The following CSMD1 variants were observed in gnomAD, a reference collection of about 807,000 sequenced individuals.
CSMD1 encodes CUB and sushi domain-containing protein 1.
CSMD1 carries 213 observed loss-of-function variants against 417.5 expected under a neutral mutation model. That is an observed-to-expected ratio of 0.51 (90% CI 0.46 to 0.57). The LOEUF is 0.57. Ranked by LOEUF, CSMD1 falls within the 20% of genes least tolerant of loss-of-function variation. The pLI, the probability that CSMD1 is intolerant of heterozygous loss-of-function variation, is 0.00. For missense variants in CSMD1, 6,923 were observed against 4,529.7 expected, an observed-to-expected ratio of 1.53 and a Z score of -15.17; for synonymous variants, 2,862 against 1,736.8, an observed-to-expected ratio of 1.65 and a Z score of -16.11.
chr8:4,733,427 TA>T lies in CSMD1; in HGVS notation c.86-95870del, dbSNP rs1297046482. On this transcript the variant is annotated intron_variant, in intron 1 of 69. Transcript: ENST00000635120. The stretch of plus-strand genomic sequence containing the variant: ...TATCTTGGAAAGAAGGAAACAGACA[TA>T]GAGGGAAGGTAGGTGTCGGAGAAGG... Among the ~76,000 whole-genome samples, 3 of 152,174 alleles carry T rather than the reference TA, an allele frequency of 2.0e-5. No individual in the cohort carries two copies. The South Asian group carries it at 6.2e-4, about 32-fold the overall frequency.
chr8:4,380,982 G>C (rs981067596), intron 3 of CSMD1, among the ~76,000 whole-genome samples: 2 of 152,052 alleles, frequency 1.3e-5, no homozygotes, highest in Non-Finnish European at 1.5e-5. Flanking sequence ...TTTGGGAAAA[G>C]AAAAAGCGTA....
At chr8:3,864,766 C>T (rs1237890557) in intron 5 of CSMD1, among the ~76,000 whole-genome samples, 1 of 152,066 alleles carries the variant, frequency 6.6e-6, no homozygotes, top group East Asian at 1.9e-4. Flanking sequence ...TAGGCACCAT[C>T]GTGGTTAACT....
rs538721156 is a variant in CSMD1 at position 4,945,053 on chromosome 8, AAATT to A, written c.85+49275_85+49278del. On this transcript the variant is annotated intron_variant, in intron 1 of 69. Transcript: ENST00000635120. ...AGCAAAAGGTGGTCTCTTCACACGAAAATTATTTATCCTAAAAAGGAAGAAAATC... is the reference window on the plus strand; with the variant it reads ...AGCAAAAGGTGGTCTCTTCACACGAAATTTATCCTAAAAAGGAAGAAAATC... 1.7e-4 allele frequency among the ~76,000 whole-genome samples: 26 copies of A among 152,284 alleles called. No homozygotes were observed. The South Asian group carries it at 3.5e-3, about 21-fold the overall frequency.
chr8:3,656,637 A>G (rs1028526079), intron 7 of CSMD1, among the ~76,000 whole-genome samples: 4 of 152,122 alleles, frequency 2.6e-5, no homozygotes, highest in African/African-American at 9.7e-5. Context: ...TTCTATTACA[A>G]AGGCTTTAGG....
chr8:4,470,745 A>G (rs1354090242), intron 2 of CSMD1, among the ~76,000 whole-genome samples: 2 of 152,234 alleles, frequency 1.3e-5, no homozygotes, highest in African/African-American at 4.8e-5. Context: ...GAAAAACACC[A>G]TGAATGACTT....
chr8:4,149,492 G>T (rs561314226), intron 3 of CSMD1, among the ~76,000 whole-genome samples: 1 of 152,228 alleles, frequency 6.6e-6, no homozygotes, highest in African/African-American at 2.4e-5. Context: ...TACTCTATCT[G>T]GAATCTTGAC....
At chr8:2,985,727 G>C (rs1805837538) in intron 54 of CSMD1, among the ~76,000 whole-genome samples, 1 of 152,186 alleles carries the variant, frequency 6.6e-6, no homozygotes, top group South Asian at 2.1e-4. Context: ...AAGGAGCTCA[G>C]TGGGAAATCA....
chr8:3,453,264 G>T (rs964054792), intron 12 of CSMD1, among the ~76,000 whole-genome samples: 6 of 151,968 alleles, frequency 3.9e-5, no homozygotes, highest in African/African-American at 1.5e-4. Flanking sequence ...CAAAAAACCA[G>T]CTCCTGGATT....
At chr8:3,439,634 G>A (rs536070698) in intron 12 of CSMD1, among the ~76,000 whole-genome samples, 13 of 151,686 alleles carry the variant, frequency 8.6e-5, no homozygotes, top group African/African-American at 2.7e-4. Flanking sequence ...ATTTTTCTCC[G>A]AGATGTTTTT....
intron 2 of CSMD1, among the ~76,000 whole-genome samples, chr8:4,618,555 T>G (rs548881326): frequency 6.6e-6 from 1 of 151,820 alleles, no homozygotes; most frequent in Non-Finnish European, 1.5e-5. Context: ...ATTCTTCTTA[T>G]CGCCTACATA....
chr8:4,388,077 C>G (rs894361198), intron 3 of CSMD1, among the ~76,000 whole-genome samples: 3 of 152,138 alleles, frequency 2.0e-5, no homozygotes, highest in South Asian at 2.1e-4. Context: ...GGACTAATGT[C>G]AGAAGTAAAC....
At chr8:4,972,691 T>C (rs751899324) in intron 1 of CSMD1, among the ~76,000 whole-genome samples, 2 of 151,514 alleles carry the variant, frequency 1.3e-5, no homozygotes, top group African/African-American at 2.4e-5. Context: ...TCAACAACCC[T>C]GAATTTAAAA....
chr8:4,027,815 A>C (rs1056342643), intron 4 of CSMD1, among the ~76,000 whole-genome samples: 4 of 152,200 alleles, frequency 2.6e-5, no homozygotes, highest in African/African-American at 9.6e-5. Flanking sequence ...AGACACTTGA[A>C]ATGAAGAGTA....
chr8:3,446,250 C>G (rs112974301), intron 12 of CSMD1, among the ~76,000 whole-genome samples: 5 of 152,198 alleles, frequency 3.3e-5, no homozygotes, highest in African/African-American at 9.6e-5. Flanking sequence ...GGGACAGACT[C>G]TCAGAAATCG....
chr8:4,703,729 T>C (rs1298736490), intron 1 of CSMD1, among the ~76,000 whole-genome samples: 2 of 152,186 alleles, frequency 1.3e-5, no homozygotes, highest in Non-Finnish European at 2.9e-5. Context: ...AAAAAAAATC[T>C]TAAAGTGATT....
chr8:4,290,264 T>C (rs922035887), intron 3 of CSMD1, among the ~76,000 whole-genome samples: 3 of 152,172 alleles, frequency 2.0e-5, no homozygotes, highest in Admixed American at 6.5e-5. Flanking sequence ...TGATGTTTGT[T>C]AGAAGAAAAG....
At chr8:4,788,515 G>A (rs1201919577) in intron 1 of CSMD1, 12 of 1,415,090 alleles carry the variant, frequency 8.5e-6, no homozygotes, top group Non-Finnish European at 1.2e-5. Context: ...GGAGCAAACT[G>A]TGAGCAAGCA....
intron 10 of CSMD1, among the ~76,000 whole-genome samples, chr8:3,508,156 T>C (rs112764553): frequency 0.04 from 6,096 of 152,242 alleles, 407 homozygotes; most frequent in African/African-American, 0.14. Context: ...TTCTCACTCA[T>C]AGGTGGGAAT....
intron 2 of CSMD1, among the ~76,000 whole-genome samples, chr8:4,498,764 A>G (rs759370305): frequency 6.6e-6 from 1 of 152,182 alleles, no homozygotes; most frequent in Non-Finnish European, 1.5e-5. Flanking sequence ...CCTTCATTTT[A>G]TAGAAGAGGA....
Sources: gnomAD v4.1 joint callset for allele counts (sites outside exome capture counted in the v4.1 genomes callset) on GRCh38, gnomAD v4.1.1 for gene constraint, MANE v1.5 for transcripts, NCBI Gene and HGNC (gene_info 2026-07-23, HGNC 2026-07-21) for gene names.